NPAS2: variants seen among roughly 807,000 people sequenced by gnomAD.
NPAS2 encodes neuronal PAS domain-containing protein 2.
In NPAS2, 23 loss-of-function variants were observed where a neutral mutation model predicts 107.5. The ratio of observed to expected loss-of-function variants is 0.21; its 90% CI spans 0.15 to 0.30. NPAS2 has a LOEUF of 0.30. Among genes scored for constraint, NPAS2 ranks in the 10% least tolerant of loss-of-function variants. The pLI is 1.00. For missense variants in NPAS2, 756 were observed against 1,043.3 expected, an observed-to-expected ratio of 0.72 and a Z score of 3.79; for synonymous variants, 403 against 417.5, an observed-to-expected ratio of 0.97 and a Z score of 0.42.
chr2:100,923,295 C>T (rs1683354671), intron 2 of NPAS2, among the ~76,000 whole-genome samples: 1 of 152,208 alleles, frequency 6.6e-6, no homozygotes. Flanking sequence ...AGTGACCACA[C>T]ACGTTAGCTG....
In NPAS2 at chr2:100,961,340, A is replaced by T. The variant is rs143060333; in HGVS notation, c.599-2718A>T. Reference sequence around the variant, plus strand: ...TTCAAATGCAACTGGCAAAATGTTCAAAGTATCTTCTTTGCCTTAGTTTTC... The same window carrying T: ...TTCAAATGCAACTGGCAAAATGTTCTAAGTATCTTCTTTGCCTTAGTTTTC... On this transcript the variant is annotated intron_variant, in intron 7 of 20. Coordinates refer to ENST00000335681, the MANE Select transcript of NPAS2 (RefSeq NM_002518.4). 6.6e-5 allele frequency among the ~76,000 whole-genome samples: 10 copies of T among 152,316 alleles called. No individual in the cohort carries two copies. In the East Asian group the frequency reaches 1.9e-3, roughly 29 times the overall value.
chr2:100,975,835 G>T, intron 14 of NPAS2: 1 of 369,526 alleles, frequency 2.7e-6, no homozygotes. Flanking sequence ...CAAACCCGGG[G>T]TCATACCCTC....
intron 12 of NPAS2, among the ~76,000 whole-genome samples, chr2:100,971,964 C>CA (rs1320642722): frequency 1.4e-5 from 2 of 141,438 alleles, no homozygotes; most frequent in Admixed American, 1.4e-4. Flanking sequence ...TTTTTTGAGA[C>CA]AAAGTCTCAC....
chr2:100,993,451 C>G lies in NPAS2; in HGVS notation c.2216C>G (p.Pro739Arg). The change falls in exon 20 of 21, where the codon CCC becomes CGC. Residue 739 changes from proline (P) to arginine (R), a missense_variant. Coordinates refer to ENST00000335681, the MANE Select transcript of NPAS2 (RefSeq NM_002518.4). The stretch of plus-strand genomic sequence containing the variant: ...CTGATGGGGCAGGCGGTGCTCCACC[C>G]CAGCTTCCCTGCCTCCCAACCATCG... ...VLLMGQAVLH[P>R]SFPASQPSPL... 6.2e-7 allele frequency: 1 copy of G among 1,612,960 alleles called. No homozygotes were observed. Among genetic ancestry groups the G allele is most frequent in the Non-Finnish European group, 8.5e-7 (1 of 1,179,548 alleles).
chr2:100,832,040 G>C (rs1366049873), intron 1 of NPAS2, among the ~76,000 whole-genome samples: 1 of 152,144 alleles, frequency 6.6e-6, no homozygotes, highest in Non-Finnish European at 1.5e-5. Context: ...CAAGGCTCCA[G>C]CTGCTGGCAT....
Position 100,959,387 on chromosome 2 carries a change from T to A in NPAS2, c.599-4671T>A, listed in dbSNP as rs867297946. 5.3e-5 allele frequency among the ~76,000 whole-genome samples: 8 copies of A among 152,202 alleles called. No individual in the cohort carries two copies. In the Middle Eastern group the frequency reaches 0.01, roughly 194 times the overall value. ...AACAAAGGAAACAGAAAGGAAAGGA[T>A]CAAATATGCCCTGGGTAAGGTAGGC... On this transcript the variant is annotated intron_variant, in intron 7 of 20. Transcript: ENST00000335681.
chr2:100,949,455 A>C lies in NPAS2; in HGVS notation c.573A>C (p.Val191=). ...EFPTYEYIKF[V]GNFRSYNNVP... ...CAACTTATGAATACATAAAATTTGT[A>C]GGAAATTTTCGCTCTTACAACAATG... The change falls in exon 7 of 21, where the codon GTA becomes GTC. Residue 191 remains valine (V), a synonymous_variant. Coordinates refer to ENST00000335681, the MANE Select transcript of NPAS2 (RefSeq NM_002518.4). The C allele has an allele frequency of 6.2e-7, 1 of 1,608,262 alleles. No homozygotes were observed. Among genetic ancestry groups the C allele is most frequent in the Non-Finnish European group, 8.5e-7 (1 of 1,174,754 alleles).
intron 7 of NPAS2, among the ~76,000 whole-genome samples, chr2:100,955,869 CCTCT>C (rs1271389878): frequency 6.6e-6 from 1 of 151,950 alleles, no homozygotes; most frequent in Non-Finnish European, 1.5e-5. Flanking sequence ...CTCCTGACAC[CCTCT>C]CTCTCTTTTG....
At chr2:100,892,748 C>T (rs901908635) in intron 1 of NPAS2, among the ~76,000 whole-genome samples, 1 of 152,126 alleles carries the variant, frequency 6.6e-6, no homozygotes, top group African/African-American at 2.4e-5. Context: ...GAGACAGAGT[C>T]TCGCTCTGTC....
At position 100,876,151 on chromosome 2, in the gene NPAS2, G is replaced by A. The variant is rs776211959; in HGVS notation, c.-22-28582G>A. Among the ~76,000 whole-genome samples, 5 of 152,066 alleles carry A rather than the reference G, an allele frequency of 3.3e-5. No individual in the cohort carries two copies. The East Asian group carries it at 5.8e-4, about 18-fold the overall frequency. ...GACATCAGACAGAGACTTCCTTTGC[G>A]GCCTCTCTGGTTCTGTTCCTCTCTT... On this transcript the variant is annotated intron_variant, in intron 1 of 20. Transcript: ENST00000335681.
At chr2:100,895,348 A>G (rs1305644982) in intron 1 of NPAS2, among the ~76,000 whole-genome samples, 2 of 152,222 alleles carry the variant, frequency 1.3e-5, no homozygotes, top group Non-Finnish European at 2.9e-5. Flanking sequence ...AACAGTGAGA[A>G]AAGCTCTTCT....
At chr2:100,908,099 G>A (rs1175238350) in intron 2 of NPAS2, among the ~76,000 whole-genome samples, 1 of 152,088 alleles carries the variant, frequency 6.6e-6, no homozygotes, top group Non-Finnish European at 1.5e-5. Flanking sequence ...AAGTGCGCAG[G>A]GTTAGAATCA....
At position 100,993,802 on chromosome 2, in the gene NPAS2, A is replaced by AGGATTTGCATCTTT. The variant is rs779457700; in HGVS notation, c.2292+288_2292+289insTGGATTTGCATCTT. 4.4e-4 allele frequency: 163 copies of AGGATTTGCATCTTT among 367,330 alleles called. 1 individual carries two copies. Among genetic ancestry groups the AGGATTTGCATCTTT allele is most frequent in the Non-Finnish European group, 7.0e-4 (144 of 206,582 alleles). 22.8% of individuals were successfully genotyped at this position (367,330 alleles called of 1,614,324 possible). A position where few individuals can be genotyped will look rare whatever the true frequency, so the allele number is the denominator to read the frequency against. Reference sequence around the variant, plus strand: ...TTTTTAAAAAAGTAGTTTCTACTCAAGGATTTGCATCTTGATATGTTCACA... The same window carrying AGGATTTGCATCTTT: ...TTTTTAAAAAAGTAGTTTCTACTCAAGGATTTGCATCTTTGGATTTGCATCTTGATATGTTCACA... On this transcript the variant is annotated intron_variant, in intron 20 of 20. Transcript: ENST00000335681.
chr2:100,937,169 C>T (rs566191748), intron 4 of NPAS2, among the ~76,000 whole-genome samples: 2 of 152,228 alleles, frequency 1.3e-5, no homozygotes, highest in East Asian at 1.9e-4. Flanking sequence ...AGTTGAGTTA[C>T]GCAACCCCCA....
intron 1 of NPAS2, among the ~76,000 whole-genome samples, chr2:100,848,347 G>T (rs972711372): frequency 6.6e-6 from 1 of 152,154 alleles, no homozygotes; most frequent in Non-Finnish European, 1.5e-5. Flanking sequence ...TATCATACTT[G>T]GGAGGTAATG....
At chr2:100,894,555 C>T (rs1681282159) in intron 1 of NPAS2, among the ~76,000 whole-genome samples, 1 of 152,172 alleles carries the variant, frequency 6.6e-6, no homozygotes, top group South Asian at 2.1e-4. Context: ...AGGCTCAAGC[C>T]ACTCCACAGG....
At chr2:100,939,176 T>C (rs1430280039) in intron 5 of NPAS2, among the ~76,000 whole-genome samples, 1 of 152,222 alleles carries the variant, frequency 6.6e-6, no homozygotes, top group African/African-American at 2.4e-5. Context: ...CCACCATTAG[T>C]GCAAATGATG....
intron 1 of NPAS2, among the ~76,000 whole-genome samples, chr2:100,839,216 C>T (rs1435124977): frequency 1.3e-5 from 2 of 152,160 alleles, no homozygotes; most frequent in Admixed American, 6.5e-5. Context: ...GCAACCTCCA[C>T]CTCCTGGGTT....
Position 100,963,999 on chromosome 2 carries a change from A to G in NPAS2, c.599-59A>G, listed in dbSNP as rs1676067226. 4.7e-6 allele frequency: 5 copies of G among 1,053,054 alleles called. No homozygotes were observed. In the East Asian group the frequency reaches 1.2e-4, roughly 25 times the overall value. 65.2% of individuals were successfully genotyped at this position (1,053,054 alleles called of 1,614,324 possible). ...GCTTACAGTTAAGTGCCAACTAGGG[A>G]TTGGCTGCTGTCACCAGACAGGGCT... On this transcript the variant is annotated intron_variant, in intron 7 of 20. Transcript: ENST00000335681.
Sources: gnomAD v4.1 joint callset for allele counts (sites outside exome capture counted in the v4.1 genomes callset) on GRCh38, gnomAD v4.1.1 for gene constraint, MANE v1.5 for transcripts, NCBI Gene and HGNC (gene_info 2026-07-23, HGNC 2026-07-21) for gene names.